The following WDR33 variants were observed in gnomAD, a reference collection of about 807,000 sequenced individuals.
WDR33 encodes the protein pre-mRNA 3' end processing protein WDR33.
A neutral mutation model predicts 164.9 loss-of-function variants in WDR33; 47 were observed. The ratio of observed to expected loss-of-function variants is 0.29; its 90% CI spans 0.23 to 0.36. The LOEUF is 0.36. Among genes scored for constraint, WDR33 ranks in the 10% least tolerant of loss-of-function variants. WDR33 has a pLI of 1.00. For missense variants in WDR33, 1,137 were observed against 1,754.1 expected (o/e 0.65, Z 6.28); for synonymous variants, 505 against 589.0 (o/e 0.86, Z 2.06).
intron 7 of WDR33, among the ~76,000 whole-genome samples, chr2:127,751,906 C>G (rs949085660): frequency 6.6e-6 from 1 of 152,180 alleles, no homozygotes; most frequent in Admixed American, 6.5e-5. Flanking sequence ...CTCCAACAAA[C>G]TACACGGAAG....
At chr2:127,737,282 G>T (rs1033138747) in intron 7 of WDR33, 2 of 985,262 alleles carry the variant, frequency 2.0e-6, no homozygotes, top group Admixed American at 1.2e-4. Context: ...TCTGAGACGG[G>T]AGATACCAGT....
intron 1 of WDR33, among the ~76,000 whole-genome samples, chr2:127,771,943 T>G (rs1688017702): frequency 6.6e-6 from 1 of 152,152 alleles, no homozygotes; most frequent in Non-Finnish European, 1.5e-5. Context: ...GATGGGTACG[T>G]GTTTATGCTT....
chr2:127,796,567 T>C (rs1558961968), intron 1 of WDR33, among the ~76,000 whole-genome samples: 1 of 151,964 alleles, frequency 6.6e-6, no homozygotes, highest in Admixed American at 6.6e-5. Context: ...AAAAAAATCA[T>C]TTCTTGGGCT....
rs1687780690 is a variant in WDR33 at position 127,764,982 on chromosome 2, G to T, written c.475-3C>A. 1 of 1,612,874 alleles carries T rather than the reference G, an allele frequency of 6.2e-7. No homozygotes were observed. Among genetic ancestry groups the T allele is most frequent in the Non-Finnish European group, 8.5e-7 (1 of 1,179,534 alleles). ...GCCCTCACTGGGCTGTCGTGAGCCT[G>T]TGAAAGCAGAAAACATTAATTAGTA... On this transcript the variant is annotated splice_polypyrimidine_tract_variant and splice_region_variant and intron_variant, in intron 5 of 21. Coordinates refer to ENST00000322313, the MANE Select transcript of WDR33 (RefSeq NM_018383.5). This position sits in a 1 kb window ranked among gnomAD's most constrained non-coding sequence, Gnocchi z 6.2.
In WDR33 at chr2:127,726,859, A is replaced by C; in HGVS notation, c.725-82T>G. On this transcript the variant is annotated intron_variant, in intron 7 of 21. Transcript: ENST00000322313. This position sits in a 1 kb window ranked among gnomAD's most constrained non-coding sequence, Gnocchi z 4.8. ...TAAACCAAAGTAGAGAAACCTAGTA[A>C]ATGTTTTGCTCTCAGTGCTCAGTCA... The C allele has an allele frequency of 6.4e-7, 1 of 1,556,104 alleles. No individual in the cohort carries two copies.
intron 1 of WDR33, among the ~76,000 whole-genome samples, chr2:127,777,174 C>T (rs1457615070): frequency 6.6e-6 from 1 of 152,236 alleles, no homozygotes; most frequent in Non-Finnish European, 1.5e-5. Context: ...GTGTGAAACA[C>T]TGAATTCATC....
chr2:127,740,896 T>C lies in WDR33; in HGVS notation c.725-14119A>G, dbSNP rs767383905. On this transcript the variant is annotated intron_variant, in intron 7 of 21. Coordinates refer to ENST00000322313, the MANE Select transcript of WDR33 (RefSeq NM_018383.5). ...ACTGACATATGTTGGCTACAAATTT[T>C]AGGAAATTTTGAAAAAACTTCAACC... 7.9e-4 allele frequency among the ~76,000 whole-genome samples: 121 copies of C among 152,216 alleles called. 2 individuals carry two copies. Among genetic ancestry groups the C allele is most frequent in the Non-Finnish European group, 3.4e-4 (23 of 68,036 alleles).
intron 1 of WDR33, among the ~76,000 whole-genome samples, chr2:127,777,581 CAGACTT>C (rs1414865256): frequency 6.6e-6 from 1 of 152,196 alleles, no homozygotes; most frequent in Non-Finnish European, 1.5e-5. Context: ...ATGGAACACT[CAGACTT>C]AGTGTGTCAA....
At position 127,701,398 on chromosome 2, in the gene WDR33, C is replaced by T. The variant is rs976344263; in HGVS notation, c.*4925G>A. Reference sequence around the variant, plus strand: ...AAAGTCCGCAGAGCAGGCACCGCGGCACTTCCGCGAGCGCCGCAGGCCCTG... The same window carrying T: ...AAAGTCCGCAGAGCAGGCACCGCGGTACTTCCGCGAGCGCCGCAGGCCCTG... On this transcript the variant is annotated 3_prime_UTR_variant, in exon 22 of 22. Coordinates refer to ENST00000322313, the MANE Select transcript of WDR33 (RefSeq NM_018383.5). 1.1e-6 allele frequency: 1 copy of T among 909,932 alleles called. No individual in the cohort carries two copies. Among genetic ancestry groups the T allele is most frequent in the Non-Finnish European group, 1.4e-6 (1 of 697,894 alleles). The allele number at this position is 909,932 out of a possible 1,614,324, so 56.4% of individuals were successfully genotyped here. A position where few individuals can be genotyped will look rare whatever the true frequency, so the allele number is the denominator to read the frequency against.
chr2:127,757,854 C>G lies in WDR33; in HGVS notation c.724+5208G>C, dbSNP rs545096538. Among the ~76,000 whole-genome samples the G allele has an allele frequency of 4.6e-5, 7 of 152,072 alleles. No individual in the cohort carries two copies. In the South Asian group the frequency reaches 1.2e-3, roughly 27 times the overall value. On this transcript the variant is annotated intron_variant, in intron 7 of 21. Coordinates refer to ENST00000322313, the MANE Select transcript of WDR33 (RefSeq NM_018383.5). ...CACAGTTCAAAAACACACTGCCAAA[C>G]GAAAAGATCTTTGTGTAGACAGCAG...
At chr2:127,780,736 C>T (rs938672708) in intron 1 of WDR33, among the ~76,000 whole-genome samples, 2 of 152,178 alleles carry the variant, frequency 1.3e-5, no homozygotes, top group Admixed American at 1.3e-4. Context: ...ACTCAAAAGG[C>T]TGAAGCAGGA....
rs1686325683 is a variant in WDR33 at position 127,717,315 on chromosome 2, TAA to T, written c.2761-54_2761-53del. 6 of 1,401,090 alleles carry T rather than the reference TAA, an allele frequency of 4.3e-6. No individual in the cohort carries two copies. The highest frequency in any genetic ancestry group is 1.5e-5 in the African/African-American group (1 of 67,636). The allele number at this position is 1,401,090 out of a possible 1,614,324, so 86.8% of individuals were successfully genotyped here. ...TATGAAATCACAGGCTTGAGCTACA[TAA>T]ATAGTGATTGCATTATAACATGACA... On this transcript the variant is annotated intron_variant, in intron 16 of 21. Transcript: ENST00000322313. The surrounding 1 kb of genome is among the most constrained non-coding windows in gnomAD (Gnocchi z 5.6).
chr2:127,722,044 G>T lies in WDR33; in HGVS notation c.1519-56C>A, dbSNP rs1686454797. 6.3e-7 allele frequency: 1 copy of T among 1,577,800 alleles called. No homozygotes were observed. Among genetic ancestry groups the T allele is most frequent in the African/African-American group, 1.4e-5 (1 of 72,992 alleles). ...GCTAAGTATGAAAATTACAATGATAGAATGAGAAAACCACTCTACAATGTC... is the reference window on the plus strand; with the variant it reads ...GCTAAGTATGAAAATTACAATGATATAATGAGAAAACCACTCTACAATGTC... On this transcript the variant is annotated intron_variant, in intron 14 of 21. Coordinates refer to ENST00000322313, the MANE Select transcript of WDR33 (RefSeq NM_018383.5). This position sits in a 1 kb window ranked among gnomAD's most constrained non-coding sequence, Gnocchi z 5.1.
At chr2:127,792,380 G>A (rs1471376641) in intron 1 of WDR33, among the ~76,000 whole-genome samples, 1 of 152,036 alleles carries the variant, frequency 6.6e-6, no homozygotes, top group African/African-American at 2.4e-5. Flanking sequence ...AGCTATTCTT[G>A]GCAGGGCAGG....
At chr2:127,749,138 T>C (rs11885524) in intron 7 of WDR33, among the ~76,000 whole-genome samples, 66,776 of 151,856 alleles carry the variant, frequency 0.44, 15,829 homozygotes, top group African/African-American at 0.61. Flanking sequence ...GAGTTTGAGA[T>C]CAGCTTAAGC....
chr2:127,709,914 C>A lies in WDR33; in HGVS notation c.3309-58G>T. On this transcript the variant is annotated intron_variant, in intron 18 of 21. Transcript: ENST00000322313. The surrounding 1 kb of genome is among the most constrained non-coding windows in gnomAD (Gnocchi z 5.0). Reference sequence around the variant, plus strand: ...AGAGAACACCTTGCCACTCTAAGTTCATGTTTCAAAGAAGCATATGATATG... The same window carrying A: ...AGAGAACACCTTGCCACTCTAAGTTAATGTTTCAAAGAAGCATATGATATG... The A allele has an allele frequency of 6.4e-7, 1 of 1,571,818 alleles. No individual in the cohort carries two copies. The highest frequency in any genetic ancestry group is 1.2e-5 in the South Asian group (1 of 85,636).
chr2:127,717,266 GA>G lies in WDR33; in HGVS notation c.2761-4del. 1 of 1,569,286 alleles carries G rather than the reference GA, an allele frequency of 6.4e-7. No individual in the cohort carries two copies. Among genetic ancestry groups the G allele is most frequent in the Non-Finnish European group, 8.6e-7 (1 of 1,161,378 alleles). ...GGGGGGCCTGTGCTCTGTCCTTCCT[GA>G]AAATATGTTTTTAAAGTAAGGGTAT... is the stretch of plus-strand genomic sequence containing the variant. On this transcript the variant is annotated splice_region_variant and splice_polypyrimidine_tract_variant and intron_variant, in intron 16 of 21. Transcript: ENST00000322313. This position sits in a 1 kb window ranked among gnomAD's most constrained non-coding sequence, Gnocchi z 5.6.
intron 7 of WDR33, among the ~76,000 whole-genome samples, chr2:127,732,067 G>A (rs1458501242): frequency 1.3e-5 from 2 of 151,612 alleles, no homozygotes; most frequent in African/African-American, 4.9e-5. Flanking sequence ...CAGGCTGGGT[G>A]ATGGAGAGCT....
At chr2:127,781,611 A>G (rs540130741) in intron 1 of WDR33, among the ~76,000 whole-genome samples, 24 of 152,278 alleles carry the variant, frequency 1.6e-4, no homozygotes, top group Non-Finnish European at 3.1e-4. Context: ...TCTCTGTATT[A>G]TTTCTTAAAA....
Sources: allele counts gnomAD v4.1 joint callset (sites outside exome capture counted in the v4.1 genomes callset), GRCh38; gene constraint gnomAD v4.1.1; non-coding constraint Gnocchi (gnomAD v3.1); transcripts MANE v1.5; gene names NCBI Gene and HGNC (gene_info 2026-07-23, HGNC 2026-07-21).